ESRRG: variants seen among roughly 807,000 people sequenced by gnomAD.
ESRRG encodes estrogen-related receptor gamma.
Under a neutral mutation model 44.0 loss-of-function variants are expected in ESRRG, and 13 were observed. The observed-to-expected ratio is 0.30, with a 90% CI of 0.19 to 0.47. ESRRG has a LOEUF of 0.47. Ranked by LOEUF, ESRRG falls within the 20% of genes least tolerant of loss-of-function variation. The pLI is 1.00. For missense variants in ESRRG, 395 were observed against 580.6 expected, an observed-to-expected ratio of 0.68 and a Z score of 3.29; for synonymous variants, 215 against 214.6, an observed-to-expected ratio of 1.00 and a Z score of -0.02.
At chr1:216,803,984 C>G (rs2094705407) in intron 2 of ESRRG, among the ~76,000 whole-genome samples, 1 of 151,610 alleles carries the variant, frequency 6.6e-6, no homozygotes, top group Non-Finnish European at 1.5e-5. Context: ...CAGTACCTCT[C>G]TCCCTCCATC....
At chr1:216,778,549 C>G (rs2093697307) in intron 2 of ESRRG, among the ~76,000 whole-genome samples, 1 of 151,980 alleles carries the variant, frequency 6.6e-6, no homozygotes, top group African/African-American at 2.4e-5. Flanking sequence ...GCAGCAGTCT[C>G]TAATTACCTT....
At chr1:216,631,658 T>A (rs1403776534) in intron 3 of ESRRG, among the ~76,000 whole-genome samples, 6 of 152,154 alleles carry the variant, frequency 3.9e-5, no homozygotes, top group African/African-American at 7.2e-5. Context: ...CGTATATAAG[T>A]ATATATACGA....
intron 2 of ESRRG, among the ~76,000 whole-genome samples, chr1:216,857,125 TA>T (rs954256247): frequency 2.0e-5 from 3 of 151,898 alleles, no homozygotes; most frequent in African/African-American, 7.3e-5. Context: ...ACGCTAATAA[TA>T]AAAAAAGGCA....
intron 2 of ESRRG, among the ~76,000 whole-genome samples, chr1:216,917,658 C>T (rs759573910): frequency 1.3e-5 from 2 of 152,146 alleles, no homozygotes; most frequent in Admixed American, 6.6e-5. Context: ...CCACAGTTCA[C>T]GTTAGCCATC....
At chr1:216,748,969 G>A (rs946433790) in intron 2 of ESRRG, among the ~76,000 whole-genome samples, 22 of 152,092 alleles carry the variant, frequency 1.4e-4, no homozygotes, top group Admixed American at 3.9e-4. Context: ...TACGGTCGAC[G>A]TAGAAAGACA....
At chr1:216,767,463 T>A (rs1371496930) in intron 2 of ESRRG, among the ~76,000 whole-genome samples, 1 of 152,154 alleles carries the variant, frequency 6.6e-6, no homozygotes, top group Non-Finnish European at 1.5e-5. Flanking sequence ...AGTTTAAAGC[T>A]ATTTGGATAA....
chr1:217,101,397 G>A (rs2092510297), intron 1 of ESRRG, among the ~76,000 whole-genome samples: 1 of 152,188 alleles, frequency 6.6e-6, no homozygotes, highest in Non-Finnish European at 1.5e-5. Flanking sequence ...ACTAATATCA[G>A]TTATTATTTT....
intron 3 of ESRRG, among the ~76,000 whole-genome samples, chr1:216,579,979 A>C (rs1292121474): frequency 1.3e-5 from 2 of 152,198 alleles, no homozygotes; most frequent in Non-Finnish European, 2.9e-5. Context: ...TTTGTTACAT[A>C]TATTCAGCTT....
intron 1 of ESRRG, among the ~76,000 whole-genome samples, chr1:217,059,979 A>G (rs1277775495): frequency 6.6e-6 from 1 of 152,020 alleles, no homozygotes; most frequent in Non-Finnish European, 1.5e-5. Flanking sequence ...ATACAAAGAA[A>G]TTATTATTAC....
At chr1:216,517,550 T>C (rs1000624701) in intron 6 of ESRRG, among the ~76,000 whole-genome samples, 6 of 152,344 alleles carry the variant, frequency 3.9e-5, no homozygotes, top group Non-Finnish European at 8.8e-5. Context: ...GGCTTTAGTA[T>C]ATTTTAAAAA....
chr1:216,916,442 T>C (rs2061176549), intron 2 of ESRRG, among the ~76,000 whole-genome samples: 1 of 152,248 alleles, frequency 6.6e-6, no homozygotes. Context: ...TTAGCATCCG[T>C]TATTAGTTTG....
chr1:216,561,860 G>A lies in ESRRG; in HGVS notation c.862+2359C>T, dbSNP rs2058806865. Among the ~76,000 whole-genome samples, 5 of 152,138 alleles carry A rather than the reference G, an allele frequency of 3.3e-5. 1 individual carries two copies. The highest frequency in any genetic ancestry group is 3.3e-4 in the Admixed American group (5 of 15,262). On this transcript the variant is annotated intron_variant, in intron 5 of 6. Coordinates refer to ENST00000408911, the MANE Select transcript of ESRRG (RefSeq NM_001438.4). ...GAACTCTTCTGACATTTGCTATAGA[G>A]AGAGAATAACGTCAGTCCCCACCAA...
chr1:216,957,880 C>A (rs916168678), intron 1 of ESRRG, among the ~76,000 whole-genome samples: 3 of 152,142 alleles, frequency 2.0e-5, no homozygotes, highest in Non-Finnish European at 4.4e-5. Flanking sequence ...AAAACCATCT[C>A]CACCAAGTTA....
At chr1:216,748,465 T>C (rs557438906) in intron 2 of ESRRG, among the ~76,000 whole-genome samples, 1 of 152,162 alleles carries the variant, frequency 6.6e-6, no homozygotes, top group African/African-American at 2.4e-5. Flanking sequence ...CCTTTTACTA[T>C]CAGTACCAAG....
At chr1:216,821,344 A>G (rs1188021554) in intron 2 of ESRRG, among the ~76,000 whole-genome samples, 1 of 152,026 alleles carries the variant, frequency 6.6e-6, no homozygotes, top group Non-Finnish European at 1.5e-5. Context: ...CCACTGAACC[A>G]TTTGAAATTG....
rs185805564 is a variant in ESRRG, at chr1:216,996,161, G to A, written c.-105-56488C>T. 9.9e-5 allele frequency among the ~76,000 whole-genome samples: 15 copies of A among 152,264 alleles called. No individual in the cohort carries two copies. The East Asian group carries it at 2.9e-3, about 29-fold the overall frequency. On this transcript the variant is annotated intron_variant, in intron 1 of 7. Transcript: ENST00000359162. ...AAATCTGAGTGCAGATTTAAAATGAGGGGGAATAGTCTAGGATAATTTCTT... is the reference window on the plus strand; with the variant it reads ...AAATCTGAGTGCAGATTTAAAATGAAGGGGAATAGTCTAGGATAATTTCTT...
chr1:216,866,127 C>T (rs1172022645), intron 2 of ESRRG, among the ~76,000 whole-genome samples: 1 of 152,174 alleles, frequency 6.6e-6, no homozygotes, highest in African/African-American at 2.4e-5. Context: ...TGCTGTTTAA[C>T]AGCAGCAAAT....
chr1:217,003,786 G>A (rs1479012530), intron 1 of ESRRG, among the ~76,000 whole-genome samples: 1 of 151,712 alleles, frequency 6.6e-6, no homozygotes, highest in Non-Finnish European at 1.5e-5. Flanking sequence ...GACTAGGTCA[G>A]ATATGAGACT....
At chr1:216,609,441 A>G (rs1404422142) in intron 3 of ESRRG, among the ~76,000 whole-genome samples, 4 of 152,200 alleles carry the variant, frequency 2.6e-5, no homozygotes, top group Non-Finnish European at 5.9e-5. Context: ...CCTGGAGAAC[A>G]CATTTCATTG....
Sources: allele counts gnomAD v4.1 joint callset (sites outside exome capture counted in the v4.1 genomes callset), GRCh38; gene constraint gnomAD v4.1.1; transcripts MANE v1.5; gene names NCBI Gene and HGNC (gene_info 2026-07-23, HGNC 2026-07-21).